Variants in LTN1 observed in about 807,000 individuals in gnomAD.
LTN1 encodes the protein E3 ubiquitin-protein ligase listerin.
In LTN1, 88 loss-of-function variants were observed where a neutral mutation model predicts 201.2. The observed-to-expected ratio is 0.44, with a 90% CI of 0.37 to 0.52. The LOEUF is 0.52. LTN1 is among the 20% of genes least tolerant of loss of function. The probability of loss-of-function intolerance (pLI) is 0.00; values close to 1 mark genes in which losing one functional copy is unlikely to be tolerated. For missense variants in LTN1, 1,752 were observed against 2,038.7 expected (o/e 0.86, Z 2.71); for synonymous variants, 645 against 713.5 (o/e 0.90, Z 1.53).
chr21:28,989,578 T>G (rs2084729310), intron 1 of LTN1, among the ~76,000 whole-genome samples: 1 of 152,170 alleles, frequency 6.6e-6, no homozygotes, highest in South Asian at 2.1e-4. Flanking sequence ...AAGGAAGACT[T>G]ACAAGACCTT....
intron 27 of LTN1, among the ~76,000 whole-genome samples, chr21:28,934,180 A>AAT: frequency 6.6e-6 from 1 of 152,180 alleles, no homozygotes; most frequent in Non-Finnish European, 1.5e-5. Context: ...TCCCTTTATT[A>AAT]GACTGTATGT....
rs575675332 is a variant in LTN1, at chr21:28,962,326, G to C, written c.2164-1620C>G. Among the ~76,000 whole-genome samples, 4 of 152,262 alleles carry C rather than the reference G, an allele frequency of 2.6e-5. No homozygotes were observed. In the East Asian group the frequency reaches 7.7e-4, roughly 29 times the overall value. On this transcript the variant is annotated intron_variant, in intron 11 of 29. Coordinates refer to ENST00000361371, the MANE Select transcript of LTN1 (RefSeq NM_015565.3). ...TTTGTGGCAACCCTGCATTGAGCAA[G>C]TTTATTGGCACCATTTTACAACAAT...
intron 7 of LTN1, among the ~76,000 whole-genome samples, chr21:28,971,061 G>A (rs899186577): frequency 2.0e-5 from 3 of 152,058 alleles, no homozygotes; most frequent in Admixed American, 6.6e-5. Context: ...ATTCAGTTAT[G>A]GTGACTGCAC....
chr21:28,982,210 C>T (rs1601002695), intron 5 of LTN1, 106 bp downstream of exon 5: 1 of 939,268 alleles, frequency 1.1e-6, no homozygotes, highest in Non-Finnish European at 1.7e-6. Flanking sequence ...GAGTGAGACT[C>T]TGTCTCAAAA....
intron 14 of LTN1, among the ~76,000 whole-genome samples, 194 bp from the exon 15 acceptor site, chr21:28,957,670 T>C (rs1279476027): frequency 6.6e-6 from 1 of 152,140 alleles, no homozygotes; most frequent in Non-Finnish European, 1.5e-5. Context: ...CCAATATTTA[T>C]CATTTGAAAT....
At chr21:28,952,550 AAG>A (rs1289229615) in intron 17 of LTN1, among the ~76,000 whole-genome samples, 1 of 152,206 alleles carries the variant, frequency 6.6e-6, no homozygotes, top group Non-Finnish European at 1.5e-5. Flanking sequence ...ATTAGGCTTG[AAG>A]ACCAGAGGCT....
chr21:28,951,612 T>TA (rs547100921), intron 18 of LTN1, among the ~76,000 whole-genome samples: 41 of 148,266 alleles, frequency 2.8e-4, no homozygotes, highest in Middle Eastern at 7.0e-3. Context: ...GCTGTTGGCT[T>TA]AAAAAAAAAA....
chr21:28,974,116 A>T (rs2084596688), intron 6 of LTN1, among the ~76,000 whole-genome samples: 1 of 152,176 alleles, frequency 6.6e-6, no homozygotes, highest in African/African-American at 2.4e-5. Context: ...TTAACTGGCC[A>T]TTCAAATAAT....
At chr21:28,963,040 G>C (rs567676663) in intron 11 of LTN1, among the ~76,000 whole-genome samples, 29 of 152,276 alleles carry the variant, frequency 1.9e-4, no homozygotes, top group African/African-American at 6.3e-4. Context: ...GCTAGCAAAG[G>C]GTGGTTCATG....
intron 16 of LTN1, among the ~76,000 whole-genome samples, chr21:28,955,502 G>A (rs2084417523): frequency 6.6e-6 from 1 of 152,026 alleles, no homozygotes; most frequent in South Asian, 2.1e-4. Flanking sequence ...AGGTATATCT[G>A]CACCCCTATA....
intron 5 of LTN1, among the ~76,000 whole-genome samples, chr21:28,981,510 C>T (rs146714149): frequency 6.6e-6 from 1 of 151,984 alleles, no homozygotes. Context: ...TGAAAGTAGA[C>T]GAAAAGCCAA....
At position 28,935,227 on chromosome 21, in the gene LTN1, C is replaced by A; in HGVS notation, c.4757G>T (p.Ser1586Ile). The A allele has an allele frequency of 6.2e-7, 1 of 1,613,630 alleles. No individual in the cohort carries two copies. Among genetic ancestry groups the A allele is most frequent in the South Asian group, 1.1e-5 (1 of 91,066 alleles). The part of the protein sequence containing the change: ...PAMVRLWWNS[S>I]EKRVFNIVDR... ...CACAATATTGAAAACACGCTTCTCA[C>A]TGCTATTCCACCACAACCTAACCAT... Residue 1586 changes from serine (S) to isoleucine (I), a missense_variant, in exon 27 of 30, where the codon AGT becomes ATT. Around this residue, in one of 3 missense-constraint regions of LTN1, gnomAD observed 261 missense variants for 350.1 expected, o/e 0.75. Coordinates refer to ENST00000361371, the MANE Select transcript of LTN1 (RefSeq NM_015565.3).
At chr21:28,974,708 C>A (rs1340777698) in intron 6 of LTN1, among the ~76,000 whole-genome samples, 3 of 152,108 alleles carry the variant, frequency 2.0e-5, no homozygotes, top group Non-Finnish European at 4.4e-5. Context: ...AAGGAGAGGG[C>A]CACAGAAAGG....
At position 28,992,832 on chromosome 21, in the gene LTN1, C is replaced by G. The variant is rs756188887; in HGVS notation, c.-27G>C. 5.6e-6 allele frequency: 9 copies of G among 1,614,104 alleles called. No individual in the cohort carries two copies. The highest frequency in any genetic ancestry group is 1.3e-5 in the African/African-American group (1 of 74,936). ...GTCGCGGTTGCAGCTGTACTCTGAGCACTCAGACCCCGGTTGACACGTCCG... is the reference window on the plus strand; with the variant it reads ...GTCGCGGTTGCAGCTGTACTCTGAGGACTCAGACCCCGGTTGACACGTCCG... On this transcript the variant is annotated 5_prime_UTR_variant, in exon 1 of 30. Coordinates refer to ENST00000361371, the MANE Select transcript of LTN1 (RefSeq NM_015565.3).
chr21:28,943,618 C>A, intron 23 of LTN1, 49 bp downstream of exon 23: 1 of 1,340,144 alleles, frequency 7.5e-7, no homozygotes, highest in South Asian at 1.2e-5. Flanking sequence ...AGCATATATT[C>A]TATTTTTTTA....
At chr21:28,973,029 GT>G (rs1222458989) in intron 6 of LTN1, among the ~76,000 whole-genome samples, 1 of 152,128 alleles carries the variant, frequency 6.6e-6, no homozygotes, top group African/African-American at 2.4e-5. Flanking sequence ...ATACAATCCT[GT>G]ACTCAGCAAA....
intron 21 of LTN1, 139 bp from the exon 22 acceptor site, chr21:28,944,735 A>T: frequency 3.2e-6 from 2 of 615,500 alleles, no homozygotes; most frequent in Non-Finnish European, 5.6e-6. Context: ...ATCTCAGGAG[A>T]AACATAAAAT....
In LTN1 at chr21:28,928,962, G is replaced by A. The variant is rs2084190106; in HGVS notation, c.*1486C>T. The A allele has an allele frequency of 1.3e-5, 2 of 152,554 alleles. No homozygotes were observed. Among genetic ancestry groups the A allele is most frequent in the Non-Finnish European group, 1.5e-5 (1 of 67,984 alleles). The allele number at this position is 152,554 out of a possible 1,614,324, so 9.5% of individuals were successfully genotyped here. On this transcript the variant is annotated 3_prime_UTR_variant, in exon 30 of 30. Transcript: ENST00000361371. ...AGAATATTTTAAGAAAAGGGTTAAC[G>A]AGGTAGTAAAATTTTGCTATCTGTA...
chr21:28,949,191 A>G (rs886484844), intron 18 of LTN1, among the ~76,000 whole-genome samples: 1 of 152,166 alleles, frequency 6.6e-6, no homozygotes, highest in African/African-American at 2.4e-5. Context: ...TAAGTCTTTG[A>G]TAAATTTTCC....
Sources: allele counts gnomAD v4.1 joint callset (sites outside exome capture counted in the v4.1 genomes callset), GRCh38; gene constraint gnomAD v4.1.1; regional missense constraint gnomAD v4.1.1; transcripts MANE v1.5; gene names NCBI Gene and HGNC (gene_info 2026-07-23, HGNC 2026-07-21).